Variants in ARMH1 observed in about 807,000 individuals in gnomAD.
ARMH1 encodes the protein armadillo-like helical domain containing protein 1.
ARMH1 carries 34 observed loss-of-function variants against 50.2 expected under a neutral mutation model. The ratio of observed to expected loss-of-function variants is 0.68; its 90% CI spans 0.51 to 0.90. The LOEUF is 0.90. ARMH1 is among the 40% of genes least tolerant of loss of function. ARMH1 has a pLI of 0.00. For missense variants in ARMH1, 538 were observed against 553.9 expected (o/e 0.97, Z 0.29); for synonymous variants, 221 against 224.2 (o/e 0.99, Z 0.13).
At chr1:44,698,478 C>A (rs1341629271) in intron 4 of ARMH1, among the ~76,000 whole-genome samples, 1 of 151,878 alleles carries the variant, frequency 6.6e-6, no homozygotes, top group Admixed American at 6.6e-5. Context: ...GGCATCCATT[C>A]AAAGATTTGT....
intron 6 of ARMH1, among the ~76,000 whole-genome samples, chr1:44,712,727 G>A (rs1646670591): frequency 2.0e-5 from 3 of 149,952 alleles, no homozygotes; most frequent in Non-Finnish European, 3.0e-5. Flanking sequence ...GCAGTGGTGC[G>A]ATCTTGGCTC....
chr1:44,724,641 C>G lies in ARMH1; in HGVS notation c.1023C>G (p.Ser341Arg). 6.6e-7 allele frequency: 1 copy of G among 1,504,470 alleles called. No individual in the cohort carries two copies. The highest frequency in any genetic ancestry group is 1.2e-5 in the South Asian group (1 of 80,586). 93.2% of individuals were successfully genotyped at this position (1,504,470 alleles called of 1,614,324 possible). The part of the protein sequence containing the change: ...AAMGNTDHSN[S>R]QRLASLTLEC... ...TGGGCAACACGGACCACAGCAACAG[C>G]CAGCGGCTGGCCAGCCTCACGCTGG... Residue 341 changes from serine to arginine, a missense_variant, in exon 9 of 12, where the codon AGC becomes AGG. Physicochemically the swap from Ser to Arg is moderately radical, Grantham distance 110. Coordinates refer to ENST00000535358, the MANE Select transcript of ARMH1 (RefSeq NM_001145636.2). This position sits in a 1 kb window ranked among gnomAD's most constrained non-coding sequence, Gnocchi z 6.4.
intron 6 of ARMH1, among the ~76,000 whole-genome samples, chr1:44,723,119 T>C (rs532737962): frequency 3.5e-4 from 53 of 152,072 alleles, no homozygotes; most frequent in South Asian, 1.0e-3. Flanking sequence ...GCCATCATCT[T>C]AGCATCTCCT....
intron 6 of ARMH1, among the ~76,000 whole-genome samples, chr1:44,720,425 T>C (rs1223481771): frequency 6.6e-6 from 1 of 152,272 alleles, no homozygotes; most frequent in South Asian, 2.1e-4. Flanking sequence ...CCTGTTGGAA[T>C]GCAGAATCCA....
At chr1:44,722,903 CAAAAA>C (rs71036693) in intron 6 of ARMH1, among the ~76,000 whole-genome samples, 8 of 85,970 alleles carry the variant, frequency 9.3e-5, no homozygotes, top group African/African-American at 1.3e-4. Context: ...ACTAAAAATA[CAAAAA>C]AAAAAAAAAA....
rs1458124758 is a variant in ARMH1 at position 44,682,196 on chromosome 1, T to C, written c.-23+7323T>C. Among the ~76,000 whole-genome samples the C allele has an allele frequency of 1.3e-5, 2 of 152,246 alleles. No individual in the cohort carries two copies. Among genetic ancestry groups the C allele is most frequent in the African/African-American group, 4.8e-5 (2 of 41,454 alleles). ...GGATGTCAGTTTAAATAACACTTATTGAGTGCCTGTGTTTTACCAGAGACC... is the reference window on the plus strand; with the variant it reads ...GGATGTCAGTTTAAATAACACTTATCGAGTGCCTGTGTTTTACCAGAGACC... On this transcript the variant is annotated intron_variant, in intron 1 of 11. Coordinates refer to ENST00000535358, the MANE Select transcript of ARMH1 (RefSeq NM_001145636.2). The surrounding 1 kb of genome is among the most constrained non-coding windows in gnomAD (Gnocchi z 4.5).
Position 44,698,140 on chromosome 1 carries a change from A to G in ARMH1, c.353A>G (p.Lys118Arg). Residue 118 changes from lysine (K) to arginine (R), a missense_variant, in exon 4 of 12, where the codon AAG becomes AGG. Physicochemically the swap from Lys to Arg is conservative, Grantham distance 26 (BLOSUM62 2). Transcript: ENST00000535358. ...GAAATACTTGGGCTAGAGAAGATCA[A>G]GGAGGAGGCCAAGAAGGAATCTGTC... is the stretch of plus-strand genomic sequence containing the variant. ...LLEILGLEKI[K>R]EEAKKESVKL... 6.4e-7 allele frequency: 1 copy of G among 1,552,370 alleles called. No homozygotes were observed. The highest frequency in any genetic ancestry group is 2.4e-5 in the East Asian group (1 of 40,928).
At chr1:44,686,953 G>GAAA (rs774171806) in intron 1 of ARMH1, among the ~76,000 whole-genome samples, 3 of 74,302 alleles carry the variant, frequency 4.0e-5, no homozygotes, top group Non-Finnish European at 8.6e-5. Flanking sequence ...CCTCATTTCA[G>GAAA]AAAAAAAAAA....
intron 6 of ARMH1, among the ~76,000 whole-genome samples, chr1:44,722,903 C>CAA (rs71036693): frequency 0.037 from 3,163 of 85,922 alleles, 66 homozygotes; most frequent in Non-Finnish European, 0.039. Flanking sequence ...ACTAAAAATA[C>CAA]AAAAAAAAAA....
At position 44,725,001 on chromosome 1, in the gene ARMH1, C is replaced by A. The variant is rs887722872; in HGVS notation, c.1129-135C>A. The A allele has an allele frequency of 2.5e-5, 37 of 1,506,562 alleles. No homozygotes were observed. The Admixed American group carries it at 7.9e-4, about 32-fold the overall frequency. The allele number at this position is 1,506,562 out of a possible 1,614,324, so 93.3% of individuals were successfully genotyped here. On this transcript the variant is annotated intron_variant, in intron 10 of 11. Coordinates refer to ENST00000535358, the MANE Select transcript of ARMH1 (RefSeq NM_001145636.2). ...TGGCGTAGGCTCCTCCACCCGCCAC[C>A]TTCCTGTTCCCTTTCCTGCCCTTTC...
chr1:44,711,713 A>G (rs909784737), intron 6 of ARMH1, among the ~76,000 whole-genome samples: 1 of 152,226 alleles, frequency 6.6e-6, no homozygotes, highest in Admixed American at 6.5e-5. Context: ...CACTGAGAGT[A>G]TAGTGACAAA....
chr1:44,718,335 C>G (rs192509630), intron 6 of ARMH1, among the ~76,000 whole-genome samples: 129 of 152,316 alleles, frequency 8.5e-4, no homozygotes, highest in East Asian at 2.1e-3. Context: ...CAAGTGTCAT[C>G]AGATGCATGA....
In ARMH1 at chr1:44,724,630, C is replaced by A; in HGVS notation, c.1012C>A (p.His338Asn). Residue 338 changes from histidine to asparagine, a missense_variant, in exon 9 of 12, where the codon CAC becomes AAC. His to Asn is a moderately conservative substitution (Grantham distance 68). Transcript: ENST00000535358. The surrounding 1 kb of genome is among the most constrained non-coding windows in gnomAD (Gnocchi z 6.4). ...GLMAAMGNTD[H>N]SNSQRLASLT... ...AATGGCCGCCATGGGCAACACGGACCACAGCAACAGCCAGCGGCTGGCCAG... is the reference window on the plus strand; with the variant it reads ...AATGGCCGCCATGGGCAACACGGACAACAGCAACAGCCAGCGGCTGGCCAG... 1 of 1,508,886 alleles carries A rather than the reference C, an allele frequency of 6.6e-7. No homozygotes were observed. 93.5% of individuals were successfully genotyped at this position (1,508,886 alleles called of 1,614,324 possible).
chr1:44,703,961 C>T (rs1274230715), intron 5 of ARMH1, 128 bp from the exon 6 acceptor site: 25 of 644,318 alleles, frequency 3.9e-5, no homozygotes, highest in South Asian at 1.8e-5. Flanking sequence ...CTCCTGACCT[C>T]GTGATCTGCC....
intron 1 of ARMH1, among the ~76,000 whole-genome samples, chr1:44,678,799 G>A (rs1645216150): frequency 6.6e-6 from 1 of 152,242 alleles, no homozygotes; most frequent in East Asian, 1.9e-4. Context: ...TTTGCCGGGG[G>A]GGTGGGGAAG....
chr1:44,686,672 T>C (rs1208212512), intron 1 of ARMH1, among the ~76,000 whole-genome samples: 5 of 151,796 alleles, frequency 3.3e-5, no homozygotes, highest in African/African-American at 9.7e-5. Context: ...TGAGACTGCA[T>C]CTCAAAAAAT....
At chr1:44,679,341 G>A (rs1029190540) in intron 1 of ARMH1, among the ~76,000 whole-genome samples, 1 of 152,200 alleles carries the variant, frequency 6.6e-6, no homozygotes, top group African/African-American at 2.4e-5. Flanking sequence ...ACTGCATGCT[G>A]CATGCCATGA....
chr1:44,719,266 C>A (rs1363829899), intron 6 of ARMH1, among the ~76,000 whole-genome samples: 1 of 152,130 alleles, frequency 6.6e-6, no homozygotes, highest in Non-Finnish European at 1.5e-5. Flanking sequence ...GACCAGGCCC[C>A]CTCTAGTGTG....
chr1:44,676,765 T>A (rs1179681312), intron 1 of ARMH1, among the ~76,000 whole-genome samples: 1 of 152,150 alleles, frequency 6.6e-6, no homozygotes, highest in East Asian at 1.9e-4. Flanking sequence ...TGAAGATTCA[T>A]GTAAGATACA....
Sources: gnomAD v4.1 joint callset for allele counts (sites outside exome capture counted in the v4.1 genomes callset) on GRCh38, gnomAD v4.1.1 for gene constraint, Gnocchi (gnomAD v3.1) non-coding constraint, MANE v1.5 for transcripts, NCBI Gene and HGNC (gene_info 2026-07-23, HGNC 2026-07-21) for gene names.